RIC3: variants seen among roughly 807,000 people sequenced by gnomAD.
RIC3 encodes protein RIC-3.
RIC3 carries 28 observed loss-of-function variants against 27.3 expected under a neutral mutation model. The observed-to-expected ratio is 1.02, with a 90% CI of 0.76 to 1.41. RIC3 has a LOEUF of 1.41. Among genes scored for constraint, RIC3 ranks in the 40% most tolerant of loss-of-function variants. RIC3 has a pLI of 0.00. For synonymous variants in RIC3, 184 were observed against 160.4 expected (o/e 1.15, Z -1.11); for missense variants, 501 against 444.7 (o/e 1.13, Z -1.14).
chr11:8,117,642 G>C (rs1255557203), intron 5 of RIC3, among the ~76,000 whole-genome samples: 2 of 152,060 alleles, frequency 1.3e-5, no homozygotes, highest in Non-Finnish European at 2.9e-5. Flanking sequence ...ACAGACTATA[G>C]TTAATAACAG....
intron 1 of RIC3, among the ~76,000 whole-genome samples, chr11:8,168,318 C>T (rs1951919306): frequency 6.6e-6 from 1 of 152,160 alleles, no homozygotes; most frequent in African/African-American, 2.4e-5. Context: ...ACCTCAGTAA[C>T]TGAAACTGGG....
the RIC3 span, chr11:8,098,875 C>T: frequency 1.4e-5 from 22 of 1,609,672 alleles, no homozygotes; most frequent in South Asian, 9.9e-5. Flanking sequence ...CTGTGTGCTA[C>T]GTGAGTCCTA....
the RIC3 span, chr11:8,100,898 C>G: frequency 8.7e-6 from 14 of 1,614,102 alleles, no homozygotes; most frequent in Non-Finnish European, 1.2e-5. Flanking sequence ...AAACAAGACA[C>G]CTGTCTGGAA....
In RIC3 at chr11:8,108,861, G is replaced by A. The variant is rs1420506657; in HGVS notation, c.*1837C>T. On this transcript the variant is annotated 3_prime_UTR_variant, in exon 6 of 6. Coordinates refer to ENST00000309737, the MANE Select transcript of RIC3 (RefSeq NM_001206671.4). ...AGGGAATCCTATCCTAAGGCCAAAAGTAAACCTGAGCCAGGAACCCAGGGC... is the reference window on the plus strand; with the variant it reads ...AGGGAATCCTATCCTAAGGCCAAAAATAAACCTGAGCCAGGAACCCAGGGC... 3 of 152,318 alleles carry A rather than the reference G, an allele frequency of 2.0e-5. No individual in the cohort carries two copies. The East Asian group carries it at 5.8e-4, about 29-fold the overall frequency. The allele number at this position is 152,318 out of a possible 1,614,324, so 9.4% of individuals were successfully genotyped here. A position where few individuals can be genotyped will look rare whatever the true frequency, so the allele number is the denominator to read the frequency against.
chr11:8,164,259 T>A (rs912426617), intron 1 of RIC3, among the ~76,000 whole-genome samples: 1 of 152,144 alleles, frequency 6.6e-6, no homozygotes, highest in Non-Finnish European at 1.5e-5. Flanking sequence ...CTTCATGACC[T>A]TGGATTTGGC....
At chr11:8,115,721 T>C (rs1945782357) in intron 5 of RIC3, among the ~76,000 whole-genome samples, 1 of 152,032 alleles carries the variant, frequency 6.6e-6, no homozygotes, top group South Asian at 2.1e-4. Flanking sequence ...ATGAAAACTA[T>C]AAAACATTGA....
intron 1 of RIC3, among the ~76,000 whole-genome samples, chr11:8,145,416 G>A (rs573538073): frequency 5.9e-5 from 9 of 152,050 alleles, no homozygotes; most frequent in Non-Finnish European, 1.0e-4. Context: ...TGCACACAGG[G>A]GAAGATGGTC....
At chr11:8,155,970 T>C (rs1419566613) in intron 1 of RIC3, among the ~76,000 whole-genome samples, 1 of 152,198 alleles carries the variant, frequency 6.6e-6, no homozygotes, top group Non-Finnish European at 1.5e-5. Flanking sequence ...ATTTCCCTTC[T>C]ACCTGATTCT....
At chr11:8,145,113 TGGC>T (rs1169238697) in intron 1 of RIC3, among the ~76,000 whole-genome samples, 2 of 145,744 alleles carry the variant, frequency 1.4e-5, no homozygotes, top group African/African-American at 5.1e-5. Context: ...CGCACCAGCA[TGGC>T]ACATGTATAC....
At chr11:8,133,708 A>G (rs1948015759) in intron 4 of RIC3, among the ~76,000 whole-genome samples, 1 of 152,222 alleles carries the variant, frequency 6.6e-6, no homozygotes, top group Non-Finnish European at 1.5e-5. Flanking sequence ...GTACAGTGAC[A>G]GCTTCTCTGC....
intron 1 of RIC3, among the ~76,000 whole-genome samples, chr11:8,143,974 A>G (rs912225956): frequency 6.6e-6 from 1 of 152,256 alleles, no homozygotes; most frequent in Admixed American, 6.5e-5. Flanking sequence ...CTGGCTAGCC[A>G]TATGTAGAAA....
chr11:8,165,908 AGCTGGGG>A (rs56159524), intron 1 of RIC3, among the ~76,000 whole-genome samples: 50,932 of 151,100 alleles, frequency 0.34, 8,783 homozygotes, highest in East Asian at 0.49. Flanking sequence ...CCTACAGAGT[AGCTGGGG>A]CTACAGGTGC....
At chr11:8,118,242 A>G (rs1946079186) in intron 5 of RIC3, among the ~76,000 whole-genome samples, 1 of 150,978 alleles carries the variant, frequency 6.6e-6, no homozygotes. Context: ...AAAAAAAAAA[A>G]AGACCATCAT....
intron 1 of RIC3, among the ~76,000 whole-genome samples, chr11:8,168,226 A>G (rs2134433714): frequency 6.6e-6 from 1 of 152,356 alleles, no homozygotes; most frequent in Non-Finnish European, 1.5e-5. Flanking sequence ...ATTTTTAAAC[A>G]CCACATACAT....
intron 5 of RIC3, among the ~76,000 whole-genome samples, chr11:8,116,776 T>C (rs572011317): frequency 5.9e-5 from 9 of 152,264 alleles, no homozygotes; most frequent in African/African-American, 1.7e-4. Flanking sequence ...AGCAAGGATG[T>C]AGAGAAAAGG....
intron 1 of RIC3, among the ~76,000 whole-genome samples, chr11:8,147,218 A>G (rs754549388): frequency 7.9e-5 from 12 of 152,208 alleles, no homozygotes; most frequent in Non-Finnish European, 1.5e-4. Context: ...CTTCTTACAC[A>G]TATTGATTGA....
At chr11:8,134,133 T>A (rs1393451637) in intron 4 of RIC3, among the ~76,000 whole-genome samples, 2 of 152,198 alleles carry the variant, frequency 1.3e-5, no homozygotes, top group Admixed American at 1.3e-4. Flanking sequence ...CTCCTAATGC[T>A]ATCCCTCCCC....
chr11:8,168,875 TCGG>T lies in RIC3; in HGVS notation c.112_114del (p.Pro38del). 1 of 1,610,678 alleles carries T rather than the reference TCGG, an allele frequency of 6.2e-7. No homozygotes were observed. Among genetic ancestry groups the T allele is most frequent in the Non-Finnish European group, 8.5e-7 (1 of 1,178,774 alleles). On this transcript the variant is annotated inframe_deletion, in exon 1 of 6. Transcript: ENST00000309737. ...GCTGGCCTGCTCTTACCTTCAGGTG[TCGG>T]CGGCGGCTCCTGCCGCTTCCCGCGG...
intron 1 of RIC3, among the ~76,000 whole-genome samples, chr11:8,147,066 T>C (rs1468219757): frequency 6.6e-6 from 1 of 152,212 alleles, no homozygotes; most frequent in East Asian, 1.9e-4. Context: ...TCTGATTGCC[T>C]CCTTTGGAAA....
Sources: allele counts gnomAD v4.1 joint callset (sites outside exome capture counted in the v4.1 genomes callset), GRCh38; gene constraint gnomAD v4.1.1; transcripts MANE v1.5; gene names NCBI Gene and HGNC (gene_info 2026-07-23, HGNC 2026-07-21).